Variants in KLF7 observed in about 807,000 individuals in gnomAD.
The protein encoded by KLF7 is KLF transcription factor 7, also known as Krueppel-like factor 7.
A neutral mutation model predicts 27.3 loss-of-function variants in KLF7; 2 were observed. That is an observed-to-expected ratio of 0.07 (90% CI 0.03 to 0.23). The LOEUF (loss-of-function observed/expected upper bound fraction) is 0.23, where lower values mean the gene tolerates loss of function less well. Among genes scored for constraint, KLF7 ranks in the 10% least tolerant of loss-of-function variants. The pLI, the probability that KLF7 is intolerant of heterozygous loss-of-function variation, is 1.00. For missense variants in KLF7, 221 were observed against 394.1 expected (o/e 0.56, Z 3.72); for synonymous variants, 165 against 162.4 (o/e 1.02, Z -0.12).
intron 1 of KLF7, among the ~76,000 whole-genome samples, chr2:207,150,110 A>G (rs1330992321): frequency 6.6e-6 from 1 of 152,052 alleles, no homozygotes; most frequent in East Asian, 1.9e-4. Context: ...CCCCACAACC[A>G]CACACACATA....
intron 2 of KLF7, among the ~76,000 whole-genome samples, chr2:207,091,203 G>GT (rs1423018997): frequency 6.6e-6 from 1 of 152,150 alleles, no homozygotes; most frequent in Non-Finnish European, 1.5e-5. Context: ...ATTTCAAACT[G>GT]TTTGCTTTTC....
chr2:207,169,383 C>G (rs2078770743), upstream of KLF7, among the ~76,000 whole-genome samples: 1 of 152,170 alleles, frequency 6.6e-6, no homozygotes, highest in Non-Finnish European at 1.5e-5. Context: ...AGTTTTGCTT[C>G]ATTAGTGTAG....
In KLF7 at chr2:207,152,662, A is replaced by G. The variant is rs1282974867; in HGVS notation, c.102+12805T>C. Among the ~76,000 whole-genome samples the G allele has an allele frequency of 3.9e-5, 6 of 152,352 alleles. No homozygotes were observed. The East Asian group carries it at 7.7e-4, about 20-fold the overall frequency. On this transcript the variant is annotated intron_variant, in intron 1 of 3. Transcript: ENST00000309446. ...TGAGATGCGATTTGGAAATTGCTTT[A>G]TAAAATAGAATCCCAAACAAAGACA...
chr2:207,164,737 T>C (rs1037192934), intron 1 of KLF7, among the ~76,000 whole-genome samples: 1 of 152,182 alleles, frequency 6.6e-6, no homozygotes, highest in African/African-American at 2.4e-5. Context: ...TGTCCGAGGT[T>C]GTGCTGCCTA....
At chr2:207,097,489 G>A (rs1398736132) in intron 2 of KLF7, among the ~76,000 whole-genome samples, 2 of 152,204 alleles carry the variant, frequency 1.3e-5, no homozygotes, top group Non-Finnish European at 2.9e-5. Flanking sequence ...TATGTCCAGG[G>A]CAAAGGCACA....
intron 1 of KLF7, among the ~76,000 whole-genome samples, chr2:207,163,837 T>C (rs571554986): frequency 1.3e-5 from 2 of 152,320 alleles, no homozygotes; most frequent in East Asian, 3.9e-4. Context: ...TTTCAGAAGA[T>C]TTTGGTTTAA....
At chr2:207,167,285 A>G (rs899781572), upstream of KLF7, 95 of 650,052 alleles carry the variant, frequency 1.5e-4, no homozygotes, top group Middle Eastern at 2.2e-3. Flanking sequence ...AGGGTTGGCC[A>G]ATTGTTTGCT....
At chr2:207,132,690 A>G (rs770127038) in intron 1 of KLF7, among the ~76,000 whole-genome samples, 6 of 152,194 alleles carry the variant, frequency 3.9e-5, no homozygotes, top group Non-Finnish European at 7.3e-5. Flanking sequence ...GAAATTCCCA[A>G]AACAACTCAA....
upstream of KLF7, among the ~76,000 whole-genome samples, chr2:207,168,199 A>G (rs1274252512): frequency 6.6e-6 from 1 of 152,254 alleles, no homozygotes; most frequent in African/African-American, 2.4e-5. Flanking sequence ...CTTGAGACTC[A>G]AGTGAACTTA....
chr2:207,165,676 T>C lies in KLF7; in HGVS notation c.-108A>G. The C allele has an allele frequency of 6.5e-7, 1 of 1,547,632 alleles. No individual in the cohort carries two copies. Among genetic ancestry groups the C allele is most frequent in the Non-Finnish European group, 8.7e-7 (1 of 1,149,990 alleles). The stretch of plus-strand genomic sequence containing the variant: ...ACCCCCCAAGAAGGCAGACATCCAG[T>C]GGCCCTTTTGTTTTGTTTTGTTTCA... On this transcript the variant is annotated 5_prime_UTR_variant, in exon 1 of 4. Transcript: ENST00000309446.
At chr2:207,090,753 G>A (rs1271272) in intron 2 of KLF7, among the ~76,000 whole-genome samples, 59,253 of 151,932 alleles carry the variant, frequency 0.39, 12,909 homozygotes, top group African/African-American at 0.59. Context: ...CTTTAGGACT[G>A]CTCTGAATGA....
At chr2:207,087,445 G>A (rs572429752) in intron 3 of KLF7, among the ~76,000 whole-genome samples, 1 of 152,224 alleles carries the variant, frequency 6.6e-6, no homozygotes, top group South Asian at 2.1e-4. Context: ...TGGTGAGGGG[G>A]AGGTGTGGGA....
the KLF7 span, chr2:207,173,810 T>C: frequency 6.6e-6 from 1 of 152,096 alleles, no homozygotes; most frequent in Non-Finnish European, 1.5e-5. Flanking sequence ...ACCATCATGA[T>C]AAAGGTAAGG....
chr2:207,162,843 G>A (rs2078587020), intron 1 of KLF7, among the ~76,000 whole-genome samples: 1 of 152,150 alleles, frequency 6.6e-6, no homozygotes, highest in African/African-American at 2.4e-5. Context: ...CATGAGCCCA[G>A]GTACATTGTT....
intron 1 of KLF7, among the ~76,000 whole-genome samples, chr2:207,147,548 A>AAC (rs1207014680): frequency 1.3e-5 from 2 of 152,054 alleles, no homozygotes; most frequent in Non-Finnish European, 2.9e-5. Flanking sequence ...TTTTCATTTT[A>AAC]ACAGCTGAAA....
At position 207,097,295 on chromosome 2, in the gene KLF7, T is replaced by A. The variant is rs954141032; in HGVS notation, c.734-8714A>T. ...AAACTGTCCCACTTCCCTATACTCA[T>A]GAAGATTCGATGGAACCTAGTACCT... On this transcript the variant is annotated intron_variant, in intron 2 of 3. Coordinates refer to ENST00000309446, the MANE Select transcript of KLF7 (RefSeq NM_003709.4). Among the ~76,000 whole-genome samples, 10 of 151,930 alleles carry A rather than the reference T, an allele frequency of 6.6e-5. 1 individual carries two copies. Among genetic ancestry groups the A allele is most frequent in the Admixed American group, 6.6e-4 (10 of 15,264 alleles).
intron 1 of KLF7, among the ~76,000 whole-genome samples, chr2:207,139,640 C>G (rs758194314): frequency 6.6e-6 from 1 of 152,132 alleles, no homozygotes; most frequent in Non-Finnish European, 1.5e-5. Flanking sequence ...CCATCAGATC[C>G]CAAACTTCAT....
At chr2:207,162,920 T>C (rs757411459) in intron 1 of KLF7, among the ~76,000 whole-genome samples, 2 of 152,206 alleles carry the variant, frequency 1.3e-5, no homozygotes, top group Admixed American at 1.3e-4. Flanking sequence ...CCCCAGAGCA[T>C]AAAGAAACTT....
intron 2 of KLF7, among the ~76,000 whole-genome samples, chr2:207,122,830 T>C (rs897538740): frequency 1.3e-5 from 2 of 152,148 alleles, no homozygotes; most frequent in South Asian, 4.2e-4. Context: ...GTGCAAACAG[T>C]ATGCAAAAAC....
Sources: allele counts gnomAD v4.1 joint callset (sites outside exome capture counted in the v4.1 genomes callset), GRCh38; gene constraint gnomAD v4.1.1; transcripts MANE v1.5; gene names NCBI Gene and HGNC (gene_info 2026-07-23, HGNC 2026-07-21).